The following CCSER1 variants were observed in gnomAD, a reference collection of about 807,000 sequenced individuals.
CCSER1 encodes the protein serine-rich coiled-coil domain-containing protein 1.
A neutral mutation model predicts 82.0 loss-of-function variants in CCSER1; 41 were observed. The ratio of observed to expected loss-of-function variants is 0.50; its 90% CI spans 0.39 to 0.65. The LOEUF (loss-of-function observed/expected upper bound fraction) is 0.65, where lower values mean the gene tolerates loss of function less well. Ranked by LOEUF, CCSER1 falls within the 30% of genes least tolerant of loss-of-function variation. CCSER1 has a pLI of 0.00. For synonymous variants in CCSER1, 414 were observed against 383.9 expected (o/e 1.08, Z -0.92); for missense variants, 1,119 against 1,064.2 (o/e 1.05, Z -0.72).
chr4:90,494,653 G>T (rs1201661659), intron 5 of CCSER1, among the ~76,000 whole-genome samples: 1 of 151,982 alleles, frequency 6.6e-6, no homozygotes, highest in Non-Finnish European at 1.5e-5. Context: ...TTCATTAGAG[G>T]GATAAAAACA....
At chr4:91,091,359 G>A (rs1211178953) in intron 10 of CCSER1, among the ~76,000 whole-genome samples, 1 of 152,066 alleles carries the variant, frequency 6.6e-6, no homozygotes, top group Non-Finnish European at 1.5e-5. Flanking sequence ...TACAGACTTT[G>A]TACTGAGTGT....
At position 91,110,575 on chromosome 4, in the gene CCSER1, C is replaced by T. The variant is rs925288012; in HGVS notation, c.2217+24581C>T. Among the ~76,000 whole-genome samples, 5 of 151,992 alleles carry T rather than the reference C, an allele frequency of 3.3e-5. No homozygotes were observed. The East Asian group carries it at 7.7e-4, about 23-fold the overall frequency. Reference sequence around the variant, plus strand: ...GGAATTACTAGTTGCAAAAATAGTACTTGACACTTATTTCTGTAATATTGT... The same window carrying T: ...GGAATTACTAGTTGCAAAAATAGTATTTGACACTTATTTCTGTAATATTGT... On this transcript the variant is annotated intron_variant, in intron 10 of 10. Transcript: ENST00000509176.
At chr4:91,009,639 A>T (rs1324463614) in intron 9 of CCSER1, among the ~76,000 whole-genome samples, 1 of 151,662 alleles carries the variant, frequency 6.6e-6, no homozygotes, top group Non-Finnish European at 1.5e-5. Context: ...CTAAGCTTTG[A>T]TTCTTTCATA....
chr4:90,592,374 C>T (rs1339639375), intron 5 of CCSER1, among the ~76,000 whole-genome samples: 1 of 152,018 alleles, frequency 6.6e-6, no homozygotes, highest in African/African-American at 2.4e-5. Context: ...AGTATTCATT[C>T]ATTTTTTTTG....
chr4:90,560,602 A>G (rs1778652336), intron 5 of CCSER1, among the ~76,000 whole-genome samples: 1 of 152,094 alleles, frequency 6.6e-6, no homozygotes, highest in African/African-American at 2.4e-5. Flanking sequence ...CCTTAATAGC[A>G]CTTTGTTGGG....
At position 90,643,599 on chromosome 4, in the gene CCSER1, A is replaced by G. The variant is rs536460454; in HGVS notation, c.1932+15367A>G. On this transcript the variant is annotated intron_variant, in intron 6 of 10. Coordinates refer to ENST00000509176, the MANE Select transcript of CCSER1 (RefSeq NM_001145065.2). The stretch of plus-strand genomic sequence containing the variant: ...TTAATATACTTCAAATGCATGGAAC[A>G]GTGTTGGACACATAGCAAATGCTCA... Among the ~76,000 whole-genome samples the G allele has an allele frequency of 1.6e-3, 249 of 152,360 alleles. 1 individual carries two copies. Among genetic ancestry groups the G allele is most frequent in the African/African-American group, 5.8e-3 (240 of 41,600 alleles).
chr4:90,423,555 A>T (rs929190944), intron 4 of CCSER1, among the ~76,000 whole-genome samples: 1 of 150,056 alleles, frequency 6.7e-6, no homozygotes, highest in African/African-American at 2.5e-5. Context: ...TTTTTTATTA[A>T]CCTCCGCCTC....
intron 1 of CCSER1, among the ~76,000 whole-genome samples, chr4:90,266,195 A>G (rs1725198781): frequency 6.6e-6 from 1 of 152,160 alleles, no homozygotes. Context: ...ATGATTCAGT[A>G]TGAAAGTATT....
intron 10 of CCSER1, among the ~76,000 whole-genome samples, chr4:91,228,676 G>A (rs1467017039): frequency 3.3e-5 from 5 of 151,968 alleles, no homozygotes; most frequent in Admixed American, 6.6e-5. Flanking sequence ...AAACACTTTT[G>A]TATTGTTTGA....
intron 5 of CCSER1, among the ~76,000 whole-genome samples, chr4:90,610,320 C>T (rs1165241453): frequency 6.6e-6 from 1 of 151,602 alleles, no homozygotes; most frequent in Admixed American, 6.6e-5. Flanking sequence ...TTTCAGTAAG[C>T]TGTAATTACA....
At chr4:91,333,499 T>C (rs1294614095) in intron 10 of CCSER1, among the ~76,000 whole-genome samples, 1 of 152,064 alleles carries the variant, frequency 6.6e-6, no homozygotes, top group East Asian at 1.9e-4. Flanking sequence ...CTCTCCATTA[T>C]ATAGGGCTAA....
chr4:91,485,590 A>G (rs1758171891), intron 10 of CCSER1, among the ~76,000 whole-genome samples: 1 of 152,124 alleles, frequency 6.6e-6, no homozygotes. Flanking sequence ...TGCCCTACAA[A>G]TAGAACTGCA....
At chr4:90,367,505 C>G (rs1746476243) in intron 3 of CCSER1, among the ~76,000 whole-genome samples, 1 of 151,408 alleles carries the variant, frequency 6.6e-6, no homozygotes, top group Non-Finnish European at 1.5e-5. Flanking sequence ...CATATTTTGT[C>G]TTTAGACAAA....
chr4:90,391,917 G>A (rs767896776), intron 3 of CCSER1, among the ~76,000 whole-genome samples: 1 of 151,970 alleles, frequency 6.6e-6, no homozygotes. Flanking sequence ...TATAATTGAG[G>A]TATTTTATTG....
Position 91,594,330 on chromosome 4 carries a change from TAC to T in CCSER1, c.2218-4236_2218-4235del, listed in dbSNP as rs200185284. Among the ~76,000 whole-genome samples, 401 of 148,738 alleles carry T rather than the reference TAC, an allele frequency of 2.7e-3. 1 individual carries two copies. The highest frequency in any genetic ancestry group is 9.2e-3 in the African/African-American group (375 of 40,626). On this transcript the variant is annotated intron_variant, in intron 10 of 10. Coordinates refer to ENST00000509176, the MANE Select transcript of CCSER1 (RefSeq NM_001145065.2). ...GTATATGTGTATATATACATATATG[TAC>T]ACACATATATATACATATATATACA...
intron 10 of CCSER1, among the ~76,000 whole-genome samples, chr4:91,292,731 T>C (rs1199152760): frequency 2.0e-5 from 3 of 151,992 alleles, no homozygotes; most frequent in East Asian, 3.9e-4. Flanking sequence ...CCATCAGAAG[T>C]GGAGCATTTA....
intron 10 of CCSER1, among the ~76,000 whole-genome samples, chr4:91,466,575 C>T (rs1178991227): frequency 1.3e-5 from 2 of 152,156 alleles, no homozygotes; most frequent in Admixed American, 6.5e-5. Flanking sequence ...TCCCTCTTTG[C>T]AGATGACATG....
intron 5 of CCSER1, among the ~76,000 whole-genome samples, chr4:90,491,364 AT>A (rs1356595578): frequency 1.1e-4 from 16 of 152,138 alleles, no homozygotes; most frequent in African/African-American, 3.6e-4. Context: ...TCGCACATTG[AT>A]TTTATATCCT....
At chr4:91,207,299 C>T (rs913323589) in intron 10 of CCSER1, among the ~76,000 whole-genome samples, 2 of 151,678 alleles carry the variant, frequency 1.3e-5, no homozygotes, top group South Asian at 2.1e-4. Context: ...ATTATTTCAT[C>T]ACCCAGGCAT....
Sources: gnomAD v4.1 joint callset for allele counts (sites outside exome capture counted in the v4.1 genomes callset) on GRCh38, gnomAD v4.1.1 for gene constraint, MANE v1.5 for transcripts, NCBI Gene and HGNC (gene_info 2026-07-23, HGNC 2026-07-21) for gene names.